TGFBR3: variants seen among roughly 807,000 people sequenced by gnomAD.
TGFBR3 encodes transforming growth factor beta receptor 3.
A neutral mutation model predicts 87.9 loss-of-function variants in TGFBR3; 46 were observed. The ratio of observed to expected loss-of-function variants is 0.52; its 90% CI spans 0.41 to 0.67. The LOEUF is 0.67. Among genes scored for constraint, TGFBR3 ranks in the 30% least tolerant of loss-of-function variants. The probability of loss-of-function intolerance (pLI) is 0.00; values close to 1 mark genes in which losing one functional copy is unlikely to be tolerated. For synonymous variants in TGFBR3, 381 were observed against 391.6 expected (o/e 0.97, Z 0.32); for missense variants, 866 against 1,041.9 (o/e 0.83, Z 2.32).
chr1:91,712,698 C>T (rs1053017800), intron 12 of TGFBR3, among the ~76,000 whole-genome samples, 156 bp from the exon 13 acceptor site: 9 of 152,188 alleles, frequency 5.9e-5, no homozygotes, highest in African/African-American at 1.9e-4. Flanking sequence ...AAGTAACACA[C>T]ACACATTGAA....
upstream of TGFBR3, among the ~76,000 whole-genome samples, chr1:91,888,196 C>T (rs145919492): frequency 6.6e-6 from 1 of 152,330 alleles, no homozygotes; most frequent in East Asian, 1.9e-4. Context: ...ATGTGACTTG[C>T]TCCTCCTTAC....
intron 2 of TGFBR3, among the ~76,000 whole-genome samples, chr1:91,798,987 G>T (rs532789255): frequency 6.6e-6 from 1 of 152,232 alleles, no homozygotes; most frequent in East Asian, 1.9e-4. Context: ...CTGTGAGCTT[G>T]GTGCTATTGT....
Position 91,682,037 on chromosome 1 carries a change from T to C in TGFBR3, c.*1702A>G, listed in dbSNP as rs368850678. 25 of 453,938 alleles carry C rather than the reference T, an allele frequency of 5.5e-5. No homozygotes were observed. The highest frequency in any genetic ancestry group is 3.1e-4 in the Admixed American group (13 of 42,550). The allele number at this position is 453,938 out of a possible 1,614,324, so 28.1% of individuals were successfully genotyped here. A position where few individuals can be genotyped will look rare whatever the true frequency, so the allele number is the denominator to read the frequency against. ...TAAAGTAATGTTTTAGTTAAAATGT[T>C]CCTTATTGAAAAAAAAAAATGTTCC... On this transcript the variant is annotated 3_prime_UTR_variant, in exon 17 of 17. Coordinates refer to ENST00000212355, the MANE Select transcript of TGFBR3 (RefSeq NM_003243.5).
chr1:91,861,692 A>G (rs1418485701), intron 1 of TGFBR3, 48 bp from the exon 2 acceptor site: 2 of 674,842 alleles, frequency 3.0e-6, no homozygotes, highest in East Asian at 2.8e-5. Context: ...AACTTCATAA[A>G]CAAACAGACA....
At chr1:91,787,943 G>GGAAAA (rs945269870) in intron 3 of TGFBR3, among the ~76,000 whole-genome samples, 13 of 133,310 alleles carry the variant, frequency 9.8e-5, no homozygotes, top group African/African-American at 3.7e-4. Context: ...GTCTCACGGG[G>GGAAAA]AAAAAAAAAA....
At chr1:91,822,991 T>C (rs559733455) in intron 2 of TGFBR3, among the ~76,000 whole-genome samples, 1 of 152,172 alleles carries the variant, frequency 6.6e-6, no homozygotes, top group Non-Finnish European at 1.5e-5. Flanking sequence ...ACAAGCCTTA[T>C]TGAGCACCTA....
chr1:91,874,812 G>A (rs1192525), intron 1 of TGFBR3, among the ~76,000 whole-genome samples: 10,595 of 152,110 alleles, frequency 0.07, 946 homozygotes, highest in East Asian at 0.4. Context: ...TTAAGCAAGG[G>A]AATGAAGGAA....
chr1:91,842,497 G>C (rs947352476), intron 2 of TGFBR3, among the ~76,000 whole-genome samples: 5 of 152,144 alleles, frequency 3.3e-5, no homozygotes, highest in African/African-American at 1.2e-4. Flanking sequence ...TCCAGTTAAA[G>C]ACCAAGTCAC....
At chr1:91,824,606 T>A (rs896678310) in intron 2 of TGFBR3, among the ~76,000 whole-genome samples, 5 of 152,140 alleles carry the variant, frequency 3.3e-5, no homozygotes, top group African/African-American at 1.2e-4. Flanking sequence ...TGACAGATAA[T>A]AATAAGGTTT....
In TGFBR3 at chr1:91,840,421, A is replaced by G. The variant is rs551797135; in HGVS notation, c.61+21050T>C. 1.2e-3 allele frequency among the ~76,000 whole-genome samples: 186 copies of G among 148,864 alleles called. 89 individuals carry two copies. The highest frequency in any genetic ancestry group is 4.4e-3 in the African/African-American group (176 of 40,074). On this transcript the variant is annotated intron_variant, in intron 2 of 16. Coordinates refer to ENST00000212355, the MANE Select transcript of TGFBR3 (RefSeq NM_003243.5). ...ATATCATGCATGATTTTGTAATATC[A>G]TGCATGATTTTGTAATATCATGCAT...
At chr1:91,888,469 G>C (rs1254092291), upstream of TGFBR3, among the ~76,000 whole-genome samples, 1 of 152,152 alleles carries the variant, frequency 6.6e-6, no homozygotes, top group Non-Finnish European at 1.5e-5. Context: ...TTGGGAAGCC[G>C]AGGTGGGTGG....
At chr1:91,753,177 G>C (rs1215202866) in intron 4 of TGFBR3, among the ~76,000 whole-genome samples, 1 of 151,852 alleles carries the variant, frequency 6.6e-6, no homozygotes, top group Non-Finnish European at 1.5e-5. Flanking sequence ...CTTGAGACCA[G>C]GAGTTTGAGA....
intron 2 of TGFBR3, 62 bp from the exon 3 acceptor site, chr1:91,797,533 G>T: frequency 1.2e-6 from 2 of 1,600,474 alleles, no homozygotes; most frequent in Non-Finnish European, 1.7e-6. Context: ...CCCCAAAGGG[G>T]CAAGGGTGAT....
chr1:91,753,083 T>C (rs1673608516), intron 4 of TGFBR3, among the ~76,000 whole-genome samples: 1 of 149,246 alleles, frequency 6.7e-6, no homozygotes, highest in African/African-American at 2.5e-5. Context: ...AGTAAAAAGA[T>C]ACATTTAAAA....
At chr1:91,755,593 T>A (rs1400675717) in intron 4 of TGFBR3, among the ~76,000 whole-genome samples, 2 of 152,210 alleles carry the variant, frequency 1.3e-5, no homozygotes, top group African/African-American at 2.4e-5. Flanking sequence ...TCTCCTTACA[T>A]GGGATTGATC....
chr1:91,826,907 G>A (rs1375074218), intron 2 of TGFBR3, among the ~76,000 whole-genome samples: 7 of 151,958 alleles, frequency 4.6e-5, no homozygotes, highest in Non-Finnish European at 1.0e-4. Flanking sequence ...TTGCAAGAAC[G>A]GAAAAGCGAT....
At chr1:91,842,664 A>C (rs2489172) in intron 2 of TGFBR3, among the ~76,000 whole-genome samples, 151,323 of 152,292 alleles carry the variant, frequency 0.99, 75,183 homozygotes, top group Middle Eastern at 1. Context: ...TTCTGCCCAT[A>C]ATAAGGTTGT....
intron 2 of TGFBR3, among the ~76,000 whole-genome samples, chr1:91,822,972 C>T (rs1043079935): frequency 2.0e-5 from 3 of 152,084 alleles, no homozygotes; most frequent in East Asian, 1.9e-4. Flanking sequence ...CCTATTTAGT[C>T]GCCCATTCAC....
At chr1:91,880,252 T>A (rs912995214) in intron 1 of TGFBR3, among the ~76,000 whole-genome samples, 36 of 152,340 alleles carry the variant, frequency 2.4e-4, no homozygotes, top group African/African-American at 7.5e-4. Context: ...CTAACTCAAG[T>A]TATGCAAATT....
Sources: gnomAD v4.1 joint callset for allele counts (sites outside exome capture counted in the v4.1 genomes callset) on GRCh38, gnomAD v4.1.1 for gene constraint, MANE v1.5 for transcripts, NCBI Gene and HGNC (gene_info 2026-07-23, HGNC 2026-07-21) for gene names.